The following COL5A3 variants were observed in gnomAD, a reference collection of about 807,000 sequenced individuals.
COL5A3 encodes collagen type V alpha 3 chain, also known as collagen alpha-3(V) chain.
In COL5A3, 172 loss-of-function variants were observed where a neutral mutation model predicts 250.0. The observed-to-expected ratio is 0.69, with a 90% CI of 0.61 to 0.78. COL5A3 has a LOEUF of 0.78. Among genes scored for constraint, COL5A3 ranks in the 30% least tolerant of loss-of-function variants. The pLI is 0.00. For missense variants in COL5A3, 2,340 were observed against 2,334.4 expected (o/e 1.00, Z -0.05); for synonymous variants, 937 against 900.4 (o/e 1.04, Z -0.73).
At chr19:9,964,095 C>T (rs1351174047) in intron 64 of COL5A3, among the ~76,000 whole-genome samples, 1 of 152,152 alleles carries the variant, frequency 6.6e-6, no homozygotes, top group Non-Finnish European at 1.5e-5. Context: ...ATTGCTTGAA[C>T]TGGGGAGGTG....
intron 51 of COL5A3, among the ~76,000 whole-genome samples, chr19:9,972,150 TTTAC>T (rs1262176083): frequency 6.6e-6 from 1 of 152,050 alleles, no homozygotes; most frequent in Non-Finnish European, 1.5e-5. Context: ...CATCCATTAA[TTTAC>T]TTATTCATCC....
At chr19:10,006,993 C>A (rs1037434926) in intron 1 of COL5A3, among the ~76,000 whole-genome samples, 4 of 151,776 alleles carry the variant, frequency 2.6e-5, no homozygotes, top group Admixed American at 2.6e-4. Context: ...CTGACCTCCT[C>A]CCTCTGAATG....
chr19:9,981,050 A>G (rs376914961), intron 33 of COL5A3, 38 bp downstream of exon 33: 84 of 1,607,226 alleles, frequency 5.2e-5, no homozygotes, highest in Non-Finnish European at 6.7e-5. Context: ...CCTGTCCCCA[A>G]GTCCCAGCAG....
intron 51 of COL5A3, among the ~76,000 whole-genome samples, chr19:9,972,350 T>C (rs2086862936): frequency 6.6e-6 from 1 of 150,804 alleles, no homozygotes; most frequent in Non-Finnish European, 1.5e-5. Context: ...TTCACTCATT[T>C]ATTCATCCAT....
rs182006211 is a variant in COL5A3 at position 9,971,622 on chromosome 19, C to T, written c.3775-364G>A. Among the ~76,000 whole-genome samples the T allele has an allele frequency of 2.0e-3, 304 of 152,034 alleles. 1 individual carries two copies. The highest frequency in any genetic ancestry group is 6.8e-3 in the Middle Eastern group (2 of 292). ...TCATACACTCAGAGAAGGGACACGC[C>T]AAACAATGCCATTCAAGTCGAGGTC... On this transcript the variant is annotated intron_variant, in intron 51 of 66. Coordinates refer to ENST00000264828, the MANE Select transcript of COL5A3 (RefSeq NM_015719.4).
chr19:9,994,912 TTTA>T (rs1398656926), intron 16 of COL5A3, among the ~76,000 whole-genome samples: 2 of 151,604 alleles, frequency 1.3e-5, no homozygotes, highest in Non-Finnish European at 2.9e-5. Flanking sequence ...ATCTTATTTA[TTTA>T]TTATTATTAT....
In COL5A3 at chr19:9,973,807, GC is replaced by G; in HGVS notation, c.3560del (p.Gly1187AlafsTer81). On this transcript the variant is annotated frameshift_variant and splice_region_variant, in exon 49 of 67. Coordinates refer to ENST00000264828, the MANE Select transcript of COL5A3 (RefSeq NM_015719.4). LOFTEE classifies it high-confidence loss of function. ...RGPQGPTGSE[G>X]TPGLPGGVGQ... ...CAACTCCTCCAGGCAGCCCTGGAGT[GC>G]CCTGGAGAGACAGCAAGGGGTAAGA... The G allele has an allele frequency of 6.2e-7, 1 of 1,613,978 alleles. No individual in the cohort carries two copies. Among genetic ancestry groups the G allele is most frequent in the Non-Finnish European group, 8.5e-7 (1 of 1,179,956 alleles).
At chr19:9,977,073 A>G (rs1369409709) in intron 44 of COL5A3, among the ~76,000 whole-genome samples, 156 bp downstream of exon 44, 1 of 152,002 alleles carries the variant, frequency 6.6e-6, no homozygotes, top group Non-Finnish European at 1.5e-5. Context: ...CAGGCAGCTC[A>G]AGTACCTTCT....
chr19:9,968,271 C>A lies in COL5A3; in HGVS notation c.4314+114G>T. On this transcript the variant is annotated intron_variant, in intron 59 of 66. Transcript: ENST00000264828. The surrounding 1 kb of genome is among the most constrained non-coding windows in gnomAD (Gnocchi z 4.1). ...GTTCCCAGATACATCCCCCTATTTT[C>A]CCCACACACACCCTCATTAATCCAG... 9.6e-7 allele frequency: 1 copy of A among 1,036,282 alleles called. No homozygotes were observed. Among genetic ancestry groups the A allele is most frequent in the Non-Finnish European group, 1.5e-6 (1 of 688,246 alleles). The allele number at this position is 1,036,282 out of a possible 1,614,324, so 64.2% of individuals were successfully genotyped here. A position where few individuals can be genotyped will look rare whatever the true frequency, so the allele number is the denominator to read the frequency against.
At position 9,991,824 on chromosome 19, in the gene COL5A3, T is replaced by C; in HGVS notation, c.1911A>G (p.Pro637=). The part of the protein sequence containing the change: ...AKGNVGPPGE[P]GPPGQQGNHG... ...GGTTTCCCTGCTGTCCCGGAGGGCCTGGTTCTCCTGGAGGACCCTGGGGAG... is the reference window on the plus strand; with the variant it reads ...GGTTTCCCTGCTGTCCCGGAGGGCCCGGTTCTCCTGGAGGACCCTGGGGAG... The change falls in exon 23 of 67, where the codon CCA becomes CCG. Residue 637 remains proline, a synonymous_variant. Coordinates refer to ENST00000264828, the MANE Select transcript of COL5A3 (RefSeq NM_015719.4). 2 of 1,609,356 alleles carry C rather than the reference T, an allele frequency of 1.2e-6. No individual in the cohort carries two copies. Among genetic ancestry groups the C allele is most frequent in the Non-Finnish European group, 1.7e-6 (2 of 1,177,986 alleles).
chr19:9,977,147 A>T, intron 44 of COL5A3, 82 bp downstream of exon 44: 1 of 1,364,980 alleles, frequency 7.3e-7, no homozygotes, highest in South Asian at 1.2e-5. Context: ...CTCCTACCCC[A>T]TGGAGAATGA....
intron 27 of COL5A3, among the ~76,000 whole-genome samples, chr19:9,988,869 A>AG (rs2087145579): frequency 7.6e-6 from 1 of 132,024 alleles, no homozygotes. Context: ...GAAAGTAAAG[A>AG]AAAGAAAAGG....
chr19:9,995,938 T>C, intron 15 of COL5A3, 128 bp downstream of exon 15: 1 of 961,586 alleles, frequency 1.0e-6, no homozygotes, highest in East Asian at 2.6e-5. Context: ...GCCACCATTC[T>C]CTAGGAAAGT....
chr19:10,008,692 C>T (rs549532739), intron 1 of COL5A3, among the ~76,000 whole-genome samples: 3 of 152,296 alleles, frequency 2.0e-5, no homozygotes, highest in East Asian at 1.9e-4. Context: ...GTCGTTTCTC[C>T]AGGTGTCAAT....
rs946823484 is a variant in COL5A3 at position 9,969,466 on chromosome 19, CG to C, written c.4099-65del. The C allele has an allele frequency of 2.1e-5, 34 of 1,583,352 alleles. No individual in the cohort carries two copies. In the African/African-American group the frequency reaches 2.6e-4, roughly 12 times the overall value. ...TCAGAACACAGTGTGGACCCCCCCC[CG>C]ACCATGCACCAGGGGCAGCCCCTCC... On this transcript the variant is annotated intron_variant, in intron 56 of 66. Coordinates refer to ENST00000264828, the MANE Select transcript of COL5A3 (RefSeq NM_015719.4).
rs777209067 is a variant in COL5A3 at position 9,970,623 on chromosome 19, C to G, written c.3935G>C (p.Arg1312Thr). 1 of 1,448,320 alleles carries G rather than the reference C, an allele frequency of 6.9e-7. No homozygotes were observed. Among genetic ancestry groups the G allele is most frequent in the South Asian group, 1.6e-5 (1 of 63,942 alleles). The allele number at this position is 1,448,320 out of a possible 1,614,324, so 89.7% of individuals were successfully genotyped here. ...CCCAGGAGGTGGCTTATCACTTACCCTCTTGCCGGGGGGCCCGGGGGCGCC... is the reference window on the plus strand; with the variant it reads ...CCCAGGAGGTGGCTTATCACTTACCGTCTTGCCGGGGGGCCCGGGGGCGCC... ...EPGAPGPPGK[R>T]GPSGHMGREG... Residue 1312 changes from arginine to threonine, a missense_variant and splice_region_variant, in exon 54 of 67, where the codon AGG becomes ACG. Physicochemically the swap from Arg to Thr is moderately conservative, Grantham distance 71. This residue lies in a region of COL5A3 where 1,179 missense variants were observed against 1,162.6 expected (regional missense o/e 1.01). Transcript: ENST00000264828.
intron 27 of COL5A3, among the ~76,000 whole-genome samples, chr19:9,987,090 T>A (rs931326868): frequency 6.6e-6 from 1 of 152,172 alleles, no homozygotes; most frequent in Non-Finnish European, 1.5e-5. Context: ...GGCAAAGGAA[T>A]GTTCCCCATT....
intron 41 of COL5A3, 49 bp downstream of exon 41, chr19:9,978,525 T>C: frequency 1.6e-6 from 2 of 1,278,112 alleles, no homozygotes; most frequent in Non-Finnish European, 2.3e-6. Context: ...CCAAGACACC[T>C]TGAGTCCCCT....
chr19:10,009,740 AC>A lies in COL5A3; in HGVS notation c.88+557del, dbSNP rs2087499206. On this transcript the variant is annotated intron_variant, in intron 1 of 66. Coordinates refer to ENST00000264828, the MANE Select transcript of COL5A3 (RefSeq NM_015719.4). The surrounding 1 kb of genome is among the most constrained non-coding windows in gnomAD (Gnocchi z 4.4). The stretch of plus-strand genomic sequence containing the variant: ...AGGAAACTGTGGGTTCCCGAAGAGC[AC>A]CCCCCAATACTTGTCCCCACCCACC... Among the ~76,000 whole-genome samples the A allele has an allele frequency of 6.6e-6, 1 of 151,668 alleles. No individual in the cohort carries two copies. The highest frequency in any genetic ancestry group is 2.1e-4 in the South Asian group (1 of 4,804).
Sources: allele counts gnomAD v4.1 joint callset (sites outside exome capture counted in the v4.1 genomes callset), GRCh38; gene constraint gnomAD v4.1.1; regional missense constraint gnomAD v4.1.1; non-coding constraint Gnocchi (gnomAD v3.1); transcripts MANE v1.5; gene names NCBI Gene and HGNC (gene_info 2026-07-23, HGNC 2026-07-21).